The following MALRD1 variants were observed in gnomAD, a reference collection of about 807,000 sequenced individuals.
MALRD1 encodes MAM and LDL-receptor class A domain-containing protein 1.
Under a neutral mutation model 242.1 loss-of-function variants are expected in MALRD1, and 247 were observed. That is an observed-to-expected ratio of 1.02 (90% CI 0.92 to 1.13). The LOEUF (loss-of-function observed/expected upper bound fraction) is 1.13, where lower values mean the gene tolerates loss of function less well. MALRD1 is among the 50% of genes most tolerant of loss of function. The pLI, the probability that MALRD1 is intolerant of heterozygous loss-of-function variation, is 0.00. For synonymous variants in MALRD1, 995 were observed against 866.6 expected, an observed-to-expected ratio of 1.15 and a Z score of -2.60; for missense variants, 2,989 against 2,533.1, an observed-to-expected ratio of 1.18 and a Z score of -3.86.
chr10:19,499,648 T>G (rs1226233866), intron 31 of MALRD1, among the ~76,000 whole-genome samples: 1 of 152,180 alleles, frequency 6.6e-6, no homozygotes, highest in African/African-American at 2.4e-5. Flanking sequence ...CTGTTGATTC[T>G]GTTTCTCAGG....
intron 36 of MALRD1, among the ~76,000 whole-genome samples, chr10:19,641,411 A>G (rs2131678688): frequency 6.6e-6 from 1 of 152,310 alleles, no homozygotes; most frequent in African/African-American, 2.4e-5. Flanking sequence ...GAAACAAGGT[A>G]GTGGGTAATA....
intron 11 of MALRD1, among the ~76,000 whole-genome samples, chr10:19,150,467 C>G (rs1297679786): frequency 6.6e-6 from 1 of 152,150 alleles, no homozygotes; most frequent in Admixed American, 6.6e-5. Context: ...GCAGCTGGCA[C>G]TCTGTCTTAT....
In MALRD1 at chr10:19,066,727, T is replaced by C. The variant is rs1270857858; in HGVS notation, c.208T>C (p.Tyr70His). Reference sequence around the variant, plus strand: ...TTCTTCTTTCTCATTAGGTTTGAATTATGAAAGATGTGATTTTGAGGATGG... The same window carrying C: ...TTCTTCTTTCTCATTAGGTTTGAATCATGAAAGATGTGATTTTGAGGATGG... Reference protein sequence around the residue: ...DSSDERHCLNYERCDFEDGLC... With the variant: ...DSSDERHCLNHERCDFEDGLC... The change falls in exon 2 of 40, where the codon TAT becomes CAT. Residue 70 changes from tyrosine (Y) to histidine (H), a missense_variant. Coordinates refer to ENST00000454679, the MANE Select transcript of MALRD1 (RefSeq NM_001142308.3). 8.1e-7 allele frequency: 1 copy of C among 1,233,730 alleles called. No homozygotes were observed. The highest frequency in any genetic ancestry group is 1.5e-5 in the African/African-American group (1 of 64,614). 76.4% of individuals were successfully genotyped at this position (1,233,730 alleles called of 1,614,324 possible). A position where few individuals can be genotyped will look rare whatever the true frequency, so the allele number is the denominator to read the frequency against.
intron 38 of MALRD1, chr10:19,711,231 G>A (rs1443691245): frequency 1.3e-5 from 2 of 152,090 alleles, no homozygotes; most frequent in Admixed American, 1.3e-4. Context: ...TGTTTATTGT[G>A]TTGGGTTTTC....
rs145449144 is a variant in MALRD1, at chr10:19,617,251, C to G, written c.6137+1328C>G. ...AAAATCCAGATGGTGAAGTCTTAAA[C>G]TTCTCTCAAATGGGAGAACTCTAAG... On this transcript the variant is annotated intron_variant, in intron 36 of 39. Coordinates refer to ENST00000454679, the MANE Select transcript of MALRD1 (RefSeq NM_001142308.3). Among the ~76,000 whole-genome samples the G allele has an allele frequency of 1.6e-4, 25 of 152,042 alleles. No individual in the cohort carries two copies. The East Asian group carries it at 4.9e-3, about 30-fold the overall frequency.
intron 14 of MALRD1, among the ~76,000 whole-genome samples, chr10:19,189,787 C>T (rs1164368656): frequency 6.6e-6 from 1 of 151,898 alleles, no homozygotes; most frequent in Non-Finnish European, 1.5e-5. Context: ...AAATACTCAA[C>T]AAACCAGGAA....
At chr10:19,588,362 T>G (rs1837559567) in intron 33 of MALRD1, among the ~76,000 whole-genome samples, 1 of 152,206 alleles carries the variant, frequency 6.6e-6, no homozygotes, top group Non-Finnish European at 1.5e-5. Context: ...AACACACATC[T>G]CATGCCATTT....
At chr10:19,367,226 G>A (rs190054093) in intron 26 of MALRD1, among the ~76,000 whole-genome samples, 98 of 152,006 alleles carry the variant, frequency 6.4e-4, no homozygotes, top group African/African-American at 2.3e-3. Context: ...CTCTCTAGCT[G>A]TAATTTTATA....
At chr10:19,067,598 A>G (rs1032750182) in intron 2 of MALRD1, among the ~76,000 whole-genome samples, 2 of 152,138 alleles carry the variant, frequency 1.3e-5, no homozygotes, top group African/African-American at 4.8e-5. Flanking sequence ...ATGTTCAGGC[A>G]TTGGATGTTA....
intron 33 of MALRD1, among the ~76,000 whole-genome samples, chr10:19,578,653 C>G (rs1836948124): frequency 1.3e-5 from 2 of 151,532 alleles, no homozygotes; most frequent in South Asian, 4.2e-4. Flanking sequence ...GATCATGTCA[C>G]TGCACTCCAG....
chr10:19,476,036 T>C (rs1230410662), intron 29 of MALRD1, among the ~76,000 whole-genome samples: 7 of 152,220 alleles, frequency 4.6e-5, no homozygotes, highest in African/African-American at 1.7e-4. Context: ...ATAGATGCAA[T>C]TAATAGTTAA....
chr10:19,220,291 G>A (rs866761046), intron 18 of MALRD1, among the ~76,000 whole-genome samples: 47 of 152,064 alleles, frequency 3.1e-4, no homozygotes, highest in African/African-American at 8.9e-4. Context: ...TATTCCAAGA[G>A]GGAAAGACCT....
At chr10:19,175,168 G>A (rs564581803) in intron 13 of MALRD1, 40 bp from the exon 14 acceptor site, 6 of 1,205,904 alleles carry the variant, frequency 5.0e-6, no homozygotes, top group African/African-American at 1.6e-5. Flanking sequence ...CATTACTTTT[G>A]TGATGTGTTT....
Position 19,241,044 on chromosome 10 carries a change from CT to C in MALRD1, c.2992-16639del, listed in dbSNP as rs1180411809. Among the ~76,000 whole-genome samples the C allele has an allele frequency of 2.6e-5, 4 of 152,122 alleles. No individual in the cohort carries two copies. In the East Asian group the frequency reaches 5.8e-4, roughly 22 times the overall value. The stretch of plus-strand genomic sequence containing the variant: ...ATTTTCATTTTGTGCGTGTCTTTGT[CT>C]GGTTTTAGAATCAAGATATTGCGAG... On this transcript the variant is annotated intron_variant, in intron 18 of 39. Coordinates refer to ENST00000454679, the MANE Select transcript of MALRD1 (RefSeq NM_001142308.3).
Position 19,508,200 on chromosome 10 carries a change from A to G in MALRD1, c.5320+9554A>G, listed in dbSNP as rs373699136. Among the ~76,000 whole-genome samples the G allele has an allele frequency of 4.6e-5, 7 of 152,114 alleles. No individual in the cohort carries two copies. The East Asian group carries it at 1.2e-3, about 25-fold the overall frequency. ...TTTCATTAGTGTTTTTACTTTTTCAAAGAGTTGTGGATGGATGGATGGATG... is the reference window on the plus strand; with the variant it reads ...TTTCATTAGTGTTTTTACTTTTTCAGAGAGTTGTGGATGGATGGATGGATG... On this transcript the variant is annotated intron_variant, in intron 31 of 39. Transcript: ENST00000454679.
intron 2 of MALRD1, among the ~76,000 whole-genome samples, chr10:19,077,542 C>T (rs967868370): frequency 6.6e-6 from 1 of 151,892 alleles, no homozygotes; most frequent in African/African-American, 2.4e-5. Context: ...AGTTCTGAAT[C>T]ATCATGTTTA....
intron 36 of MALRD1, among the ~76,000 whole-genome samples, chr10:19,644,060 T>C (rs529438911): frequency 2.6e-5 from 4 of 152,328 alleles, no homozygotes; most frequent in African/African-American, 9.6e-5. Flanking sequence ...TACTGCTACT[T>C]GACCTAACAT....
chr10:19,639,673 A>G (rs1390081150), intron 36 of MALRD1, among the ~76,000 whole-genome samples: 1 of 152,212 alleles, frequency 6.6e-6, no homozygotes, highest in Non-Finnish European at 1.5e-5. Flanking sequence ...TTAAAAGAGT[A>G]TAAATGTATA....
In MALRD1 at chr10:19,128,443, CT is replaced by C. The variant is rs1837350029; in HGVS notation, c.1110+58del. ...CATTGAATCAATGAAGTTTCTAACT[CT>C]TGGCAACTTGTGTTTCGATTTCTCA... is the stretch of plus-strand genomic sequence containing the variant. On this transcript the variant is annotated intron_variant, in intron 8 of 39. Coordinates refer to ENST00000454679, the MANE Select transcript of MALRD1 (RefSeq NM_001142308.3). 2.6e-6 allele frequency: 3 copies of C among 1,158,774 alleles called. No homozygotes were observed. The South Asian group carries it at 1.3e-4, about 51-fold the overall frequency. The allele number at this position is 1,158,774 out of a possible 1,614,324, so 71.8% of individuals were successfully genotyped here.
Sources: allele counts gnomAD v4.1 joint callset (sites outside exome capture counted in the v4.1 genomes callset), GRCh38; gene constraint gnomAD v4.1.1; transcripts MANE v1.5; gene names NCBI Gene and HGNC (gene_info 2026-07-23, HGNC 2026-07-21).